The following PGM5 variants were observed in gnomAD, a reference collection of about 807,000 sequenced individuals.
PGM5 encodes phosphoglucomutase 5, also known as phosphoglucomutase-like protein 5.
Under a neutral mutation model 59.2 loss-of-function variants are expected in PGM5, and 23 were observed. The ratio of observed to expected loss-of-function variants is 0.39; its 90% confidence interval spans 0.28 to 0.55. The LOEUF is 0.55. PGM5 is among the 20% of genes least tolerant of loss of function. The probability of loss-of-function intolerance (pLI) is 0.66; values close to 1 mark genes in which losing one functional copy is unlikely to be tolerated. For missense variants in PGM5, 574 were observed against 748.3 expected (o/e 0.77, Z 2.72); for synonymous variants, 214 against 286.0 (o/e 0.75, Z 2.54).
rs7038754 is a variant in PGM5 at position 68,437,640 on chromosome 9, C to A, written c.1044-27453C>A. ...CCCACACATGCATATACTGTATATA[C>A]ACACCCACAATACTTTGTAGAAATG... On this transcript the variant is annotated intron_variant, in intron 6 of 10. Transcript: ENST00000396396. This position sits in a 1 kb window ranked among gnomAD's most constrained non-coding sequence, Gnocchi z 4.1. Among the ~76,000 whole-genome samples the A allele has an allele frequency of 0.024, 3,605 of 152,192 alleles. 132 individuals are homozygous for A. Among genetic ancestry groups the A allele is most frequent in the African/African-American group, 0.08 (3,314 of 41,512 alleles).
intron 7 of PGM5, among the ~76,000 whole-genome samples, chr9:68,473,699 T>C (rs1360274238): frequency 6.6e-6 from 1 of 152,172 alleles, no homozygotes; most frequent in Non-Finnish European, 1.5e-5. Flanking sequence ...TCTTATTGTA[T>C]GACCAACAAT....
Position 68,529,701 on chromosome 9 carries a change from G to A in PGM5, c.*45G>A. 2 of 1,230,302 alleles carry A rather than the reference G, an allele frequency of 1.6e-6. No homozygotes were observed. The highest frequency in any genetic ancestry group is 2.3e-6 in the Non-Finnish European group (2 of 871,934). 76.2% of individuals were successfully genotyped at this position (1,230,302 alleles called of 1,614,324 possible). On this transcript the variant is annotated 3_prime_UTR_variant, in exon 11 of 11. Coordinates refer to ENST00000396396, the MANE Select transcript of PGM5 (RefSeq NM_021965.4). ...CCAGGGCCAAAGAGAGTGCTCAGCG[G>A]GAGATGCTTCACTGATGCCTTCTTG...
At chr9:68,469,659 T>C (rs1823991123) in intron 7 of PGM5, among the ~76,000 whole-genome samples, 1 of 152,230 alleles carries the variant, frequency 6.6e-6, no homozygotes. Flanking sequence ...ATGGATTCCA[T>C]GCCAATATTG....
chr9:68,509,161 C>CCCT (rs1390128642), intron 10 of PGM5, among the ~76,000 whole-genome samples: 5 of 152,304 alleles, frequency 3.3e-5, no homozygotes, highest in Admixed American at 3.3e-4. Context: ...GTTTGATGCC[C>CCCT]TAATCCCAGA....
intron 6 of PGM5, among the ~76,000 whole-genome samples, chr9:68,462,114 C>A (rs1213990535): frequency 5.9e-5 from 9 of 151,542 alleles, no homozygotes; most frequent in African/African-American, 2.2e-4. Context: ...GCATAGTTTT[C>A]AGGCTCCTTC....
chr9:68,526,247 T>C (rs1824971804), intron 10 of PGM5, among the ~76,000 whole-genome samples: 1 of 152,184 alleles, frequency 6.6e-6, no homozygotes, highest in Non-Finnish European at 1.5e-5. Flanking sequence ...TGAGGTGGTC[T>C]TCTTCCCAAA....
chr9:68,447,693 A>T (rs1208722179), intron 6 of PGM5, among the ~76,000 whole-genome samples: 1 of 152,080 alleles, frequency 6.6e-6, no homozygotes, highest in Non-Finnish European at 1.5e-5. Context: ...CCACTATTTC[A>T]ATCCAGCACG....
At chr9:68,381,316 G>T (rs1394990112) in intron 2 of PGM5, among the ~76,000 whole-genome samples, 1 of 132,948 alleles carries the variant, frequency 7.5e-6, no homozygotes, top group Admixed American at 7.9e-5. Flanking sequence ...ATTTTAGAAA[G>T]TTCAGCATTC....
At chr9:68,460,835 C>A (rs782329406) in intron 6 of PGM5, among the ~76,000 whole-genome samples, 4 of 152,070 alleles carry the variant, frequency 2.6e-5, no homozygotes, top group African/African-American at 9.7e-5. Context: ...GCAATTCCTG[C>A]GCTCATGGAA....
chr9:68,444,426 A>AT (rs1482644350), intron 6 of PGM5, among the ~76,000 whole-genome samples: 2 of 152,242 alleles, frequency 1.3e-5, no homozygotes, highest in African/African-American at 2.4e-5. Context: ...ATTACTTAAA[A>AT]GGAATGCAAT....
At chr9:68,410,734 G>A (rs1554681558) in intron 6 of PGM5, among the ~76,000 whole-genome samples, 3 of 152,210 alleles carry the variant, frequency 2.0e-5, no homozygotes, top group Non-Finnish European at 2.9e-5. Context: ...TACCTATGGA[G>A]TCATGATATA....
At chr9:68,473,446 C>T (rs1046879834) in intron 7 of PGM5, among the ~76,000 whole-genome samples, 11 of 152,148 alleles carry the variant, frequency 7.2e-5, no homozygotes, top group Admixed American at 5.9e-4. Context: ...GCTTTGGAGC[C>T]AAATTGCCCA....
chr9:68,502,759 A>G (rs146064930), intron 10 of PGM5, among the ~76,000 whole-genome samples: 449 of 152,292 alleles, frequency 2.9e-3, no homozygotes, highest in Non-Finnish European at 4.6e-3. Flanking sequence ...GCATGATCTC[A>G]GCTCACTGTA....
intron 6 of PGM5, among the ~76,000 whole-genome samples, chr9:68,408,269 CAGAG>C (rs2132036277): frequency 6.6e-6 from 1 of 152,306 alleles, no homozygotes; most frequent in African/African-American, 2.4e-5. Flanking sequence ...GATCACAGAG[CAGAG>C]GCTGGGGTGT....
chr9:68,403,221 A>G (rs2132029739), intron 6 of PGM5, among the ~76,000 whole-genome samples: 1 of 152,254 alleles, frequency 6.6e-6, no homozygotes, highest in Middle Eastern at 3.4e-3. Context: ...TGAGGAGTCT[A>G]GGTTGCATGC....
At chr9:68,408,393 T>C (rs1822860290) in intron 6 of PGM5, among the ~76,000 whole-genome samples, 1 of 152,220 alleles carries the variant, frequency 6.6e-6, no homozygotes, top group Non-Finnish European at 1.5e-5. Flanking sequence ...TGTCTGTTCA[T>C]GTCCTTCACC....
At chr9:68,370,012 G>C (rs1481165592) in intron 1 of PGM5, among the ~76,000 whole-genome samples, 1 of 151,982 alleles carries the variant, frequency 6.6e-6, no homozygotes, top group Admixed American at 6.6e-5. Context: ...ATGGCAGCTT[G>C]GCTTTGGGGT....
chr9:68,501,329 A>G (rs1824570469), intron 10 of PGM5, among the ~76,000 whole-genome samples: 1 of 152,230 alleles, frequency 6.6e-6, no homozygotes, highest in South Asian at 2.1e-4. Context: ...TGCATAATAC[A>G]TTTGAGTCAG....
intron 2 of PGM5, among the ~76,000 whole-genome samples, chr9:68,379,927 C>T (rs1453241251): frequency 6.6e-6 from 1 of 151,770 alleles, no homozygotes; most frequent in African/African-American, 2.4e-5. Context: ...ATATATGCAT[C>T]CAACATTGAA....
Sources: allele counts gnomAD v4.1 joint callset (sites outside exome capture counted in the v4.1 genomes callset), GRCh38; gene constraint gnomAD v4.1.1; non-coding constraint Gnocchi (gnomAD v3.1); transcripts MANE v1.5; gene names NCBI Gene and HGNC (gene_info 2026-07-23, HGNC 2026-07-21).